Variants in GNB5 observed in about 807,000 individuals in gnomAD.
GNB5 encodes guanine nucleotide-binding protein subunit beta-5.
A neutral mutation model predicts 55.3 loss-of-function variants in GNB5; 37 were observed. The observed-to-expected ratio is 0.67, with a 90% CI of 0.51 to 0.88. GNB5 has a LOEUF of 0.88. GNB5 is among the 40% of genes least tolerant of loss of function. GNB5 has a pLI of 0.00. For missense variants in GNB5, 476 were observed against 515.3 expected (o/e 0.92, Z 0.74); for synonymous variants, 219 against 198.5 (o/e 1.10, Z -0.87).
At chr15:52,150,660 G>A (rs2034073109) in intron 4 of GNB5, among the ~76,000 whole-genome samples, 1 of 152,260 alleles carries the variant, frequency 6.6e-6, no homozygotes, top group African/African-American at 2.4e-5. Context: ...CTGCCACAGA[G>A]AATGCTGCCA....
chr15:52,180,025 C>T (rs2034740554), intron 2 of GNB5, 146 bp from the exon 3 acceptor site: 8 of 1,067,274 alleles, frequency 7.5e-6, no homozygotes, highest in South Asian at 7.2e-5. Flanking sequence ...GCGGGCCCGG[C>T]TGCTGCGCCT....
chr15:52,179,967 C>G, intron 2 of GNB5, 88 bp from the exon 3 acceptor site: 3 of 1,367,990 alleles, frequency 2.2e-6, no homozygotes, highest in Non-Finnish European at 2.8e-6. Context: ...CGTCCCCGGC[C>G]CCGAGCACCG....
At chr15:52,154,213 T>G in intron 3 of GNB5, 137 bp from the exon 4 acceptor site, 1 of 685,060 alleles carries the variant, frequency 1.5e-6, no homozygotes, top group Non-Finnish European at 2.4e-6. Context: ...AGCTTGATTC[T>G]CTGATTCCTT....
At chr15:52,158,261 T>G (rs1437060053) in intron 3 of GNB5, among the ~76,000 whole-genome samples, 1 of 152,136 alleles carries the variant, frequency 6.6e-6, no homozygotes, top group Non-Finnish European at 1.5e-5. Context: ...ATCATGTACT[T>G]TCTCGCCACC....
intron 7 of GNB5, chr15:52,139,788 G>C (rs1164216565): frequency 1.6e-6 from 2 of 1,232,154 alleles, no homozygotes; most frequent in African/African-American, 1.6e-5. Flanking sequence ...TAAGCTGCTT[G>C]TTGGAAAAGA....
At chr15:52,152,366 T>G (rs2034115972) in intron 4 of GNB5, among the ~76,000 whole-genome samples, 1 of 151,568 alleles carries the variant, frequency 6.6e-6, no homozygotes, top group South Asian at 2.1e-4. Flanking sequence ...CCCTGTTGCC[T>G]AGGCTGGAGT....
chr15:52,131,305 G>A (rs1167716878), intron 9 of GNB5, among the ~76,000 whole-genome samples: 1 of 151,874 alleles, frequency 6.6e-6, no homozygotes, highest in East Asian at 1.9e-4. Context: ...TATTTACATC[G>A]CATTTACACT....
At chr15:52,176,970 CTCAGATACA>C (rs1285513031) in intron 3 of GNB5, among the ~76,000 whole-genome samples, 41 of 152,158 alleles carry the variant, frequency 2.7e-4, no homozygotes, top group Admixed American at 2.2e-3. Context: ...CTCACTCTTC[CTCAGATACA>C]TCAGATACAC....
chr15:52,133,843 G>C (rs1211221213), intron 8 of GNB5, among the ~76,000 whole-genome samples: 1 of 152,260 alleles, frequency 6.6e-6, no homozygotes, highest in Non-Finnish European at 1.5e-5. Context: ...GGGCAAGGCA[G>C]GCAGGCAGTG....
intron 4 of GNB5, among the ~76,000 whole-genome samples, chr15:52,150,161 A>C (rs1454749757): frequency 1.3e-5 from 2 of 152,220 alleles, no homozygotes; most frequent in Non-Finnish European, 2.9e-5. Flanking sequence ...CCTTGGAAAG[A>C]TACAACTACA....
rs575737705 is a variant in GNB5, at chr15:52,141,178, A to G, written c.589T>C (p.Tyr197His). ...TTGGTGAAGCTGCAGGCCGACAGGTAGTTGGTGTGCATAGCAACAGACTTC... is the reference window on the plus strand; with the variant it reads ...TTGGTGAAGCTGCAGGCCGACAGGTGGTTGGTGTGCATAGCAACAGACTTC... ...KKKSVAMHTNYLSACSFTNSD... is the reference protein window; with the variant it reads ...KKKSVAMHTNHLSACSFTNSD... The change falls in exon 7 of 13, where the codon TAC (tyrosine) becomes CAC (histidine). Residue 197 changes from tyrosine to histidine, a missense_variant. Physicochemically the swap from Tyr to His is moderately conservative, Grantham distance 83 (BLOSUM62 2). Transcript: ENST00000261837. The G allele has an allele frequency of 6.2e-7, 1 of 1,614,050 alleles. No homozygotes were observed. Among genetic ancestry groups the G allele is most frequent in the South Asian group, 1.1e-5 (1 of 91,090 alleles).
At chr15:52,141,841 A>T (rs2141201550) in intron 6 of GNB5, among the ~76,000 whole-genome samples, 1 of 152,312 alleles carries the variant, frequency 6.6e-6, no homozygotes, top group East Asian at 1.9e-4. Context: ...CAAAACCTCC[A>T]TAACACCATT....
At chr15:52,174,573 T>C (rs992094157) in intron 3 of GNB5, among the ~76,000 whole-genome samples, 2 of 152,094 alleles carry the variant, frequency 1.3e-5, no homozygotes, top group Non-Finnish European at 2.9e-5. Context: ...GGGTCTGGCT[T>C]GGGGATGAGG....
chr15:52,132,636 A>ATTTTTT (rs1216272462), intron 9 of GNB5, among the ~76,000 whole-genome samples: 13 of 134,806 alleles, frequency 9.6e-5, no homozygotes, highest in East Asian at 8.5e-4. Context: ...TGCCCTGCTA[A>ATTTTTT]TTTTTTTTTT....
In GNB5 at chr15:52,140,933, CTCAACACTA is replaced by C. The variant is rs145506668; in HGVS notation, c.627+198_627+206del. The stretch of plus-strand genomic sequence containing the variant: ...TTTTCAATATGCCATGCAGTTTTAT[CTCAACACTA>C]CCAACAATCACTAGCCCCAACCTTC... On this transcript the variant is annotated intron_variant, in intron 7 of 12. Coordinates refer to ENST00000261837, the MANE Select transcript of GNB5 (RefSeq NM_016194.4). Among the ~76,000 whole-genome samples the C allele has an allele frequency of 0.034, 5,129 of 152,250 alleles. 295 individuals carry two copies. The highest frequency in any genetic ancestry group is 0.12 in the African/African-American group (4,843 of 41,508).
At chr15:52,161,414 C>T (rs1957961139) in intron 3 of GNB5, among the ~76,000 whole-genome samples, 2 of 152,200 alleles carry the variant, frequency 1.3e-5, no homozygotes, top group South Asian at 2.1e-4. Flanking sequence ...TCTCATGCCT[C>T]AGCCTCTCAA....
intron 3 of GNB5, among the ~76,000 whole-genome samples, chr15:52,160,656 G>T (rs899016709): frequency 6.6e-6 from 1 of 152,130 alleles, no homozygotes; most frequent in Admixed American, 6.6e-5. Flanking sequence ...ATTCTGCTTA[G>T]CCTGACCATT....
chr15:52,136,615 G>A (rs1228748221), intron 7 of GNB5, among the ~76,000 whole-genome samples: 1 of 152,168 alleles, frequency 6.6e-6, no homozygotes, highest in Non-Finnish European at 1.5e-5. Flanking sequence ...CTTTTCCCGA[G>A]CACAGTGCTG....
intron 3 of GNB5, among the ~76,000 whole-genome samples, chr15:52,176,755 T>C (rs1280577533): frequency 6.6e-6 from 1 of 152,182 alleles, no homozygotes; most frequent in Non-Finnish European, 1.5e-5. Context: ...CAAGCTGTCT[T>C]GTTCTGCCAC....
Sources: allele counts gnomAD v4.1 joint callset (sites outside exome capture counted in the v4.1 genomes callset), GRCh38; gene constraint gnomAD v4.1.1; transcripts MANE v1.5; gene names NCBI Gene and HGNC (gene_info 2026-07-23, HGNC 2026-07-21).